Variants in GRID2 observed in about 807,000 individuals in gnomAD.
GRID2 encodes the protein glutamate receptor ionotropic, delta-2.
In GRID2, 33 loss-of-function variants were observed where a neutral mutation model predicts 114.8. That is an observed-to-expected ratio of 0.29 (90% CI 0.22 to 0.38). The LOEUF (loss-of-function observed/expected upper bound fraction) is 0.38, where lower values mean the gene tolerates loss of function less well. Ranked by LOEUF, GRID2 falls within the 10% of genes least tolerant of loss-of-function variation. The probability of loss-of-function intolerance (pLI) is 1.00; values close to 1 mark genes in which losing one functional copy is unlikely to be tolerated. For missense variants in GRID2, 1,184 were observed against 1,257.7 expected (o/e 0.94, Z 0.89); for synonymous variants, 505 against 449.9 (o/e 1.12, Z -1.55).
At position 93,364,273 on chromosome 4, in the gene GRID2, C is replaced by A. The variant is rs1281657533; in HGVS notation, c.1246-31334C>A. Among the ~76,000 whole-genome samples, 6 of 152,016 alleles carry A rather than the reference C, an allele frequency of 3.9e-5. No individual in the cohort carries two copies. In the East Asian group the frequency reaches 5.8e-4, roughly 15 times the overall value. On this transcript the variant is annotated intron_variant, in intron 8 of 15. Transcript: ENST00000282020. ...GACACATGTGGAAAAATTTTTATAACTTTGGAATTAAAAAATAATCACAAG... is the reference window on the plus strand; with the variant it reads ...GACACATGTGGAAAAATTTTTATAAATTTGGAATTAAAAAATAATCACAAG...
chr4:93,805,908 C>T (rs1019137509), intron 1 of GRID2, among the ~76,000 whole-genome samples: 20 of 152,224 alleles, frequency 1.3e-4, no homozygotes, highest in Non-Finnish European at 1.6e-4. Flanking sequence ...ACTAGCTTGA[C>T]CAATATGGTA....
chr4:92,683,971 G>A (rs1410125178), intron 2 of GRID2, among the ~76,000 whole-genome samples: 1 of 151,700 alleles, frequency 6.6e-6, no homozygotes, highest in African/African-American at 2.4e-5. Flanking sequence ...ACACAATTAG[G>A]CTGTGATTAA....
intron 11 of GRID2, among the ~76,000 whole-genome samples, chr4:93,465,004 A>G (rs751945809): frequency 6.6e-6 from 1 of 152,196 alleles, no homozygotes; most frequent in Admixed American, 6.5e-5. Context: ...CAACTTGGAT[A>G]TTAAACAAGA....
intron 9 of GRID2, among the ~76,000 whole-genome samples, chr4:93,418,688 TA>T (rs1246723336): frequency 6.6e-6 from 1 of 152,084 alleles, no homozygotes; most frequent in Non-Finnish European, 1.5e-5. Flanking sequence ...CAATTACTTT[TA>T]CACTAATCTA....
intron 13 of GRID2, among the ~76,000 whole-genome samples, chr4:93,560,192 T>C (rs1734762404): frequency 8.0e-6 from 1 of 124,684 alleles, no homozygotes; most frequent in African/African-American, 3.1e-5. Context: ...CAAACCTGCA[T>C]GTTCTACGCA....
Position 92,797,598 on chromosome 4 carries a change from T to G in GRID2, c.244+207312T>G, listed in dbSNP as rs193179848. ...ACACTTTTAAGTTAAAAATTTTAACTTTTTCAATATATTTTTGTATATTTT... is the reference window on the plus strand; with the variant it reads ...ACACTTTTAAGTTAAAAATTTTAACGTTTTCAATATATTTTTGTATATTTT... On this transcript the variant is annotated intron_variant, in intron 2 of 15. Transcript: ENST00000282020. Among the ~76,000 whole-genome samples the G allele has an allele frequency of 2.6e-4, 40 of 152,128 alleles. No homozygotes were observed. The East Asian group carries it at 7.0e-3, about 27-fold the overall frequency.
chr4:92,432,430 C>T (rs2110342743), intron 1 of GRID2, among the ~76,000 whole-genome samples: 1 of 152,100 alleles, frequency 6.6e-6, no homozygotes, highest in Admixed American at 6.5e-5. Flanking sequence ...CTTTATTCTG[C>T]TGCTTCTGAA....
intron 2 of GRID2, among the ~76,000 whole-genome samples, chr4:93,003,927 T>C (rs185129355): frequency 6.6e-6 from 1 of 152,076 alleles, no homozygotes; most frequent in African/African-American, 2.4e-5. Flanking sequence ...GTGTTGACTT[T>C]TTAAAAATAA....
At chr4:92,978,982 C>T (rs920461557) in intron 2 of GRID2, among the ~76,000 whole-genome samples, 7 of 151,998 alleles carry the variant, frequency 4.6e-5, no homozygotes, top group African/African-American at 1.5e-4. Context: ...GATTGCACCC[C>T]TGCACTCCAG....
chr4:92,832,943 G>T (rs1742219659), intron 2 of GRID2, among the ~76,000 whole-genome samples: 1 of 152,078 alleles, frequency 6.6e-6, no homozygotes, highest in Non-Finnish European at 1.5e-5. Flanking sequence ...TAGGTCATAG[G>T]GAAAAGTCAG....
intron 1 of GRID2, among the ~76,000 whole-genome samples, chr4:92,353,079 A>C (rs1163758130): frequency 5.9e-5 from 9 of 151,824 alleles, no homozygotes; most frequent in African/African-American, 2.2e-4. Flanking sequence ...CAGGCATGAT[A>C]GTTCATATTA....
chr4:93,711,208 G>C (rs1325914811), intron 14 of GRID2, among the ~76,000 whole-genome samples: 1 of 151,872 alleles, frequency 6.6e-6, no homozygotes, highest in African/African-American at 2.4e-5. Flanking sequence ...ACGGTACTGG[G>C]TATTGCCCAA....
At chr4:92,582,273 C>CA (rs879384498) in intron 1 of GRID2, among the ~76,000 whole-genome samples, 43 of 151,432 alleles carry the variant, frequency 2.8e-4, no homozygotes, top group Non-Finnish European at 5.3e-4. Context: ...ACAACAACAA[C>CA]AAAACTCCTT....
intron 2 of GRID2, among the ~76,000 whole-genome samples, chr4:92,812,104 C>A (rs1179782442): frequency 6.6e-6 from 1 of 152,018 alleles, no homozygotes; most frequent in African/African-American, 2.4e-5. Flanking sequence ...TTTATGTGAA[C>A]GTGAATGAAC....
At chr4:93,138,234 C>G (rs1187539133) in intron 4 of GRID2, among the ~76,000 whole-genome samples, 15 of 151,958 alleles carry the variant, frequency 9.9e-5, no homozygotes. Flanking sequence ...CTCGGCCTCC[C>G]AAAGTATTGG....
intron 4 of GRID2, among the ~76,000 whole-genome samples, chr4:93,129,176 A>T (rs1734566878): frequency 1.3e-5 from 2 of 152,240 alleles, no homozygotes; most frequent in Non-Finnish European, 2.9e-5. Context: ...CTTTTTTATT[A>T]TAAGTAACTG....
intron 5 of GRID2, among the ~76,000 whole-genome samples, chr4:93,208,943 A>G (rs2149472141): frequency 6.6e-6 from 1 of 152,154 alleles, no homozygotes; most frequent in South Asian, 2.1e-4. Context: ...AAACCTTCAA[A>G]TTAAATATTT....
chr4:93,416,377 T>C (rs1290389537), intron 9 of GRID2, among the ~76,000 whole-genome samples: 1 of 152,102 alleles, frequency 6.6e-6, no homozygotes, highest in East Asian at 1.9e-4. Flanking sequence ...ACAACTATTG[T>C]TTGCTTCAGC....
At chr4:93,291,036 C>A (rs748706731) in intron 8 of GRID2, among the ~76,000 whole-genome samples, 1 of 151,892 alleles carries the variant, frequency 6.6e-6, no homozygotes, top group Non-Finnish European at 1.5e-5. Context: ...CACCACCAAG[C>A]CCAGCTAATT....
Sources: allele counts gnomAD v4.1 joint callset (sites outside exome capture counted in the v4.1 genomes callset), GRCh38; gene constraint gnomAD v4.1.1; transcripts MANE v1.5; gene names NCBI Gene and HGNC (gene_info 2026-07-23, HGNC 2026-07-21).